Variants in DGUOK observed in about 807,000 individuals in gnomAD.
The protein encoded by DGUOK is deoxyguanosine kinase, mitochondrial.
A neutral mutation model predicts 36.6 loss-of-function variants in DGUOK; 30 were observed. That is an observed-to-expected ratio of 0.82 (90% CI 0.61 to 1.11). The LOEUF is 1.11. DGUOK is among the 50% of genes most tolerant of loss of function. The pLI is 0.00. For missense variants in DGUOK, 361 were observed against 336.4 expected (o/e 1.07, Z -0.57); for synonymous variants, 145 against 126.3 (o/e 1.15, Z -0.99).
chr2:73,947,159 GT>G lies in DGUOK; in HGVS notation c.443+256del. ...CTTACATTGCTACTGATTACCTTATGTTTCCTTATTTTCTGGCATGGAGCAA... is the reference window on the plus strand; with the variant it reads ...CTTACATTGCTACTGATTACCTTATGTTCCTTATTTTCTGGCATGGAGCAA... On this transcript the variant is annotated intron_variant, in intron 3 of 6. Coordinates refer to ENST00000264093, the MANE Select transcript of DGUOK (RefSeq NM_080916.3). The G allele has an allele frequency of 1.2e-5, 6 of 502,406 alleles. No homozygotes were observed. The South Asian group carries it at 1.2e-4, about 10-fold the overall frequency. The allele number at this position is 502,406 out of a possible 1,614,324, so 31.1% of individuals were successfully genotyped here.
intron 1 of DGUOK, among the ~76,000 whole-genome samples, chr2:73,930,896 C>T (rs193127202): frequency 2.2e-4 from 31 of 140,452 alleles, no homozygotes; most frequent in African/African-American, 7.5e-4. Flanking sequence ...CCCAGGTTCA[C>T]GCCATTCTCC....
At chr2:73,939,083 T>G (rs1237095805) in intron 2 of DGUOK, 61 bp downstream of exon 2, 4 of 1,134,224 alleles carry the variant, frequency 3.5e-6, no homozygotes, top group Non-Finnish European at 5.4e-6. Context: ...ATTGTCATAA[T>G]TTAATTTACT....
chr2:73,946,040 G>A (rs899373068), intron 2 of DGUOK, among the ~76,000 whole-genome samples: 1 of 133,318 alleles, frequency 7.5e-6, no homozygotes, highest in South Asian at 2.5e-4. Context: ...GGGTGGCAGA[G>A]TGAGACTCTG....
At chr2:73,955,311 A>C (rs1683008856) in intron 4 of DGUOK, among the ~76,000 whole-genome samples, 1 of 152,260 alleles carries the variant, frequency 6.6e-6, no homozygotes, top group Admixed American at 6.5e-5. Flanking sequence ...TCAGAAAGGA[A>C]AATGAGATGA....
At chr2:73,932,757 C>A in intron 1 of DGUOK, 2 of 781,840 alleles carry the variant, frequency 2.6e-6, no homozygotes, top group Non-Finnish European at 3.5e-6. Context: ...GTGCAGACAG[C>A]GGCATGTAAG....
chr2:73,931,586 G>T (rs544352183), intron 1 of DGUOK, among the ~76,000 whole-genome samples: 17 of 152,332 alleles, frequency 1.1e-4, no homozygotes, highest in African/African-American at 3.8e-4. Context: ...TATCCTGTTG[G>T]CAGTGGGAGG....
Position 73,926,898 on chromosome 2 carries a change from A to C in DGUOK, c.-13A>C, listed in dbSNP as rs775590584. On this transcript the variant is annotated 5_prime_UTR_variant, in exon 1 of 7. Coordinates refer to ENST00000264093, the MANE Select transcript of DGUOK (RefSeq NM_080916.3). ...TCTCGGCGGAAGTGATCGCTGTGTG[A>C]ATCGTGGGTGGGATGGCCGCGGGCC... The C allele has an allele frequency of 6.2e-7, 1 of 1,613,358 alleles. No individual in the cohort carries two copies. Among genetic ancestry groups the C allele is most frequent in the Non-Finnish European group, 8.5e-7 (1 of 1,180,024 alleles).
intron 1 of DGUOK, among the ~76,000 whole-genome samples, chr2:73,934,653 T>C (rs548839906): frequency 1.3e-5 from 2 of 150,752 alleles, no homozygotes; most frequent in South Asian, 4.2e-4. Context: ...CTCGGGAGGC[T>C]GAGAGGCTGG....
intron 1 of DGUOK, among the ~76,000 whole-genome samples, chr2:73,929,626 A>G (rs1460598141): frequency 2.6e-5 from 4 of 152,214 alleles, no homozygotes; most frequent in Non-Finnish European, 5.9e-5. Context: ...CTGAGAAGGA[A>G]TGCCTACTGA....
At chr2:73,936,572 C>G (rs1435922287) in intron 1 of DGUOK, among the ~76,000 whole-genome samples, 4 of 152,168 alleles carry the variant, frequency 2.6e-5, no homozygotes, top group African/African-American at 7.2e-5. Flanking sequence ...GCTGAGACAT[C>G]AGCACCCCAA....
intron 4 of DGUOK, 135 bp from the exon 5 acceptor site, chr2:73,956,990 C>T (rs1423165946): frequency 4.2e-6 from 2 of 472,238 alleles, no homozygotes; most frequent in Non-Finnish European, 3.9e-6. Context: ...CATAAGAAAA[C>T]AAGACAGCAG....
chr2:73,931,003 A>T (rs903658370), intron 1 of DGUOK, among the ~76,000 whole-genome samples: 2 of 151,698 alleles, frequency 1.3e-5, no homozygotes, highest in Non-Finnish European at 2.9e-5. Flanking sequence ...TCACCATGTT[A>T]GCCAGGATGG....
rs1191006309 is a variant in DGUOK at position 73,946,667 on chromosome 2, G to A, written c.256-52G>A. ...GTGTGTGTGGAGGGGTGTACCCCAT[G>A]GAGTAAATATGCTTTCTAGGAAATT... On this transcript the variant is annotated intron_variant, in intron 2 of 6. Coordinates refer to ENST00000264093, the MANE Select transcript of DGUOK (RefSeq NM_080916.3). 7 of 1,534,546 alleles carry A rather than the reference G, an allele frequency of 4.6e-6. No individual in the cohort carries two copies. The African/African-American group carries it at 9.6e-5, about 21-fold the overall frequency.
In DGUOK at chr2:73,946,764, C is replaced by T. The variant is rs770571614; in HGVS notation, c.301C>T (p.Arg101Trp). The change falls in exon 3 of 7, where the codon CGG becomes TGG. Residue 101 changes from arginine to tryptophan, a missense_variant. Transcript: ENST00000264093. ...TGGAAACTTGCTGGATATGATGTAC[C>T]GGGAGCCAGCACGATGGTCCTACAC... ...SLGNLLDMMY[R>W]EPARWSYTFQ... 1.1e-5 allele frequency: 18 copies of T among 1,613,906 alleles called. No homozygotes were observed. The highest frequency in any genetic ancestry group is 6.7e-5 in the East Asian group (3 of 44,898).
In DGUOK at chr2:73,957,229, C is replaced by T. The variant is rs149649618; in HGVS notation, c.696C>T (p.His232=). The T allele has an allele frequency of 9.3e-5, 150 of 1,613,482 alleles. 3 individuals carry two copies. Among genetic ancestry groups the T allele is most frequent in the South Asian group, 2.6e-4 (24 of 91,042 alleles). Reference sequence around the variant, plus strand: ...GCCAACACGAAGCCTGGCTTATTCACAAGACAACGAAGTAAGTGGGGAGAA... The same window carrying T: ...GCCAACACGAAGCCTGGCTTATTCATAAGACAACGAAGTAAGTGGGGAGAA... ...LHGQHEAWLI[H]KTTKLHFEAL... The change falls in exon 5 of 7, where the codon CAC becomes CAT. Residue 232 remains histidine, a synonymous_variant. Coordinates refer to ENST00000264093, the MANE Select transcript of DGUOK (RefSeq NM_080916.3).
At chr2:73,930,266 G>C in intron 1 of DGUOK, among the ~76,000 whole-genome samples, 1 of 152,194 alleles carries the variant, frequency 6.6e-6, no homozygotes, top group East Asian at 1.9e-4. Context: ...AAATACTCTA[G>C]TGAATAAGCA....
chr2:73,958,334 G>C lies in DGUOK; in HGVS notation c.807+89G>C, dbSNP rs537322389. The C allele has an allele frequency of 1.0e-3, 1,020 of 1,005,194 alleles. 14 individuals carry two copies. The South Asian group carries it at 0.013, about 13-fold the overall frequency. The allele number at this position is 1,005,194 out of a possible 1,614,324, so 62.3% of individuals were successfully genotyped here. A position where few individuals can be genotyped will look rare whatever the true frequency, so the allele number is the denominator to read the frequency against. ...CTTTGCTTCAAAGTTCAATATCATG[G>C]GTCTTGTGCTTTGCATCTCACATTG... On this transcript the variant is annotated intron_variant, in intron 6 of 6. Transcript: ENST00000264093.
chr2:73,953,944 A>G (rs1383034942), intron 4 of DGUOK, among the ~76,000 whole-genome samples: 1 of 151,782 alleles, frequency 6.6e-6, no homozygotes, highest in East Asian at 1.9e-4. Flanking sequence ...GATGGTCTCG[A>G]TCTCCTGACG....
intron 4 of DGUOK, among the ~76,000 whole-genome samples, chr2:73,954,487 T>A (rs1489876456): frequency 3.3e-5 from 5 of 152,070 alleles, no homozygotes; most frequent in Admixed American, 3.3e-4. Flanking sequence ...ATGGTCAACA[T>A]AGGGAGACCC....
Sources: gnomAD v4.1 joint callset for allele counts (sites outside exome capture counted in the v4.1 genomes callset) on GRCh38, gnomAD v4.1.1 for gene constraint, MANE v1.5 for transcripts, NCBI Gene and HGNC (gene_info 2026-07-23, HGNC 2026-07-21) for gene names.